The following STYK1 variants were observed in gnomAD, a reference collection of about 807,000 sequenced individuals.
STYK1 encodes the protein STY kinase 1.
STYK1 carries 46 observed loss-of-function variants against 48.1 expected under a neutral mutation model. That is an observed-to-expected ratio of 0.96 (90% CI 0.75 to 1.22). The LOEUF (loss-of-function observed/expected upper bound fraction) is 1.22, where lower values mean the gene tolerates loss of function less well. Ranked by LOEUF, STYK1 falls within the 50% of genes most tolerant of loss-of-function variation. The pLI is 0.00. For synonymous variants in STYK1, 188 were observed against 189.0 expected (o/e 0.99, Z 0.04); for missense variants, 527 against 521.1 (o/e 1.01, Z -0.11).
At chr12:10,627,567 T>G in intron 7 of STYK1, 74 bp downstream of exon 7, 1 of 1,336,680 alleles carries the variant, frequency 7.5e-7, no homozygotes, top group Non-Finnish European at 1.0e-6. Flanking sequence ...AATATTAATA[T>G]GAGAAATATG....
intron 8 of STYK1, among the ~76,000 whole-genome samples, chr12:10,624,295 A>G (rs1209529502): frequency 6.6e-6 from 1 of 151,526 alleles, no homozygotes; most frequent in African/African-American, 2.4e-5. Flanking sequence ...AGGGTGGTGC[A>G]TGCCTGTAGT....
intron 1 of STYK1, among the ~76,000 whole-genome samples, chr12:10,664,226 C>T (rs117490034): frequency 0.01 from 1,550 of 152,282 alleles, 16 homozygotes; most frequent in Non-Finnish European, 0.013. Flanking sequence ...TTTCCCCTGA[C>T]AGACCACAAG....
intron 1 of STYK1, among the ~76,000 whole-genome samples, chr12:10,649,814 C>T (rs951827588): frequency 6.6e-6 from 1 of 152,070 alleles, no homozygotes; most frequent in Non-Finnish European, 1.5e-5. Context: ...ACCGTTAAAT[C>T]AAGATTAATG....
At position 10,647,104 on chromosome 12, in the gene STYK1, G is replaced by T. The variant is rs541310759; in HGVS notation, c.-194-9908C>A. 2.6e-5 allele frequency among the ~76,000 whole-genome samples: 4 copies of T among 152,342 alleles called. No individual in the cohort carries two copies. In the East Asian group the frequency reaches 7.7e-4, roughly 29 times the overall value. On this transcript the variant is annotated intron_variant, in intron 1 of 10. Transcript: ENST00000075503. ...CGAGCCCCCACACAATGTCCCTATT[G>T]GGGCACCACCTAGTGGAGCTACGAG...
chr12:10,636,904 C>T (rs1055836396), intron 2 of STYK1, among the ~76,000 whole-genome samples, 167 bp downstream of exon 2: 4 of 152,072 alleles, frequency 2.6e-5, no homozygotes, highest in African/African-American at 4.8e-5. Context: ...TGAAGGGAGT[C>T]GTTTAAAGCC....
intron 5 of STYK1, among the ~76,000 whole-genome samples, chr12:10,630,036 AGAGAGAGAGAGAGAGAGAGAGAGAGAGAG>A (rs1219482954): frequency 0.077 from 20 of 260 alleles, no homozygotes; most frequent in Middle Eastern, 0.5. Flanking sequence ...TGAAGAGGAG[AGAGAGAGAGAGAGAGAGAGAGAGAGAGAG>A]AGAGAGAGAG....
At chr12:10,655,188 G>C (rs555197239) in intron 1 of STYK1, among the ~76,000 whole-genome samples, 2 of 152,266 alleles carry the variant, frequency 1.3e-5, no homozygotes, top group South Asian at 4.1e-4. Flanking sequence ...ATAAAGGGGA[G>C]GTACCTTGGG....
intron 1 of STYK1, among the ~76,000 whole-genome samples, chr12:10,644,477 T>C (rs914389960): frequency 4.6e-5 from 7 of 152,254 alleles, no homozygotes; most frequent in African/African-American, 1.7e-4. Flanking sequence ...GATTCTATAC[T>C]ATTTTTGCAA....
intron 1 of STYK1, among the ~76,000 whole-genome samples, chr12:10,670,995 ATTTTT>A (rs763044772): frequency 1.9e-4 from 21 of 110,508 alleles, no homozygotes; most frequent in African/African-American, 5.9e-4. Context: ...GAATATATTG[ATTTTT>A]TTTTTTTTTT....
chr12:10,673,524 T>C (rs1565578340), intron 1 of STYK1: 1 of 152,284 alleles, frequency 6.6e-6, no homozygotes, highest in Non-Finnish European at 1.5e-5. Context: ...ACCGTATTTA[T>C]GCTTTGCAGA....
chr12:10,634,920 G>A (rs1947469634), intron 2 of STYK1, among the ~76,000 whole-genome samples: 1 of 151,964 alleles, frequency 6.6e-6, no homozygotes, highest in African/African-American at 2.4e-5. Flanking sequence ...GCTCTGATCT[G>A]CTCTTGTCCT....
chr12:10,648,343 C>T (rs1305270521), intron 1 of STYK1, among the ~76,000 whole-genome samples: 4 of 150,878 alleles, frequency 2.7e-5, no homozygotes, highest in Non-Finnish European at 5.9e-5. Context: ...TTTCTTCCAA[C>T]AGAAAAAAAA....
intron 1 of STYK1, among the ~76,000 whole-genome samples, chr12:10,664,768 G>A (rs1947816764): frequency 6.6e-6 from 1 of 152,120 alleles, no homozygotes; most frequent in East Asian, 1.9e-4. Flanking sequence ...AAATGATTTT[G>A]GTGTGGGAGG....
At chr12:10,647,958 C>T (rs1292307047) in intron 1 of STYK1, among the ~76,000 whole-genome samples, 2 of 152,192 alleles carry the variant, frequency 1.3e-5, no homozygotes, top group African/African-American at 4.8e-5. Flanking sequence ...CATTAAACCT[C>T]TTTCTTTTGT....
chr12:10,661,440 A>C (rs1947775868), intron 1 of STYK1, among the ~76,000 whole-genome samples: 1 of 152,204 alleles, frequency 6.6e-6, no homozygotes, highest in South Asian at 2.1e-4. Flanking sequence ...AGTCCAGCCA[A>C]TAAACCAAGT....
At chr12:10,650,119 C>CAAAAAAAAAAAAAAAAAAA (rs71051518) in intron 1 of STYK1, among the ~76,000 whole-genome samples, 1 of 51,312 alleles carries the variant, frequency 1.9e-5, no homozygotes, top group South Asian at 1.5e-3. Context: ...GACTCTGTCT[C>CAAAAAAAAAAAAAAAAAAA]AAAAAAAAAA....
rs1415998813 is a variant in STYK1 at position 10,624,693 on chromosome 12, G to A, written c.884C>T (p.Pro295Leu). ...AGCAGGTCTCAGGAGAAGCCGTTCTGGGGCAAGCCACTTGAGAGGTATGGT... is the reference window on the plus strand; with the variant it reads ...AGCAGGTCTCAGGAGAAGCCGTTCTAGGGCAAGCCACTTGAGAGGTATGGT... ...TQTIPLKWLA[P>L]ERLLLRPASI... The change falls in exon 8 of 11, where the codon CCA becomes CTA. Residue 295 changes from proline (P) to leucine (L), a missense_variant. By Grantham distance (98) the Pro-to-Leu change is moderately conservative (BLOSUM62 -3). Coordinates refer to ENST00000075503, the MANE Select transcript of STYK1 (RefSeq NM_018423.3). 6.2e-7 allele frequency: 1 copy of A among 1,614,124 alleles called. No individual in the cohort carries two copies. Among genetic ancestry groups the A allele is most frequent in the South Asian group, 1.1e-5 (1 of 91,080 alleles).
At chr12:10,666,540 A>T (rs757833541) in intron 1 of STYK1, among the ~76,000 whole-genome samples, 18 of 152,210 alleles carry the variant, frequency 1.2e-4, no homozygotes, top group Non-Finnish European at 2.2e-4. Context: ...CTGACTTCAT[A>T]TGTGGATATT....
chr12:10,622,719 G>A (rs747202683), intron 8 of STYK1, 41 bp from the exon 9 acceptor site: 2 of 1,612,160 alleles, frequency 1.2e-6, no homozygotes, highest in Non-Finnish European at 1.7e-6. Flanking sequence ...TTCTATTTCT[G>A]TTTTTCTAAA....
Sources: allele counts gnomAD v4.1 joint callset (sites outside exome capture counted in the v4.1 genomes callset), GRCh38; gene constraint gnomAD v4.1.1; transcripts MANE v1.5; gene names NCBI Gene and HGNC (gene_info 2026-07-23, HGNC 2026-07-21).